The following TMCC3 variants were observed in gnomAD, a reference collection of about 807,000 sequenced individuals.
TMCC3 encodes the protein transmembrane and coiled-coil domain protein 3.
In TMCC3, 28 loss-of-function variants were observed where a neutral mutation model predicts 40.2. The ratio of observed to expected loss-of-function variants is 0.70; its 90% CI spans 0.52 to 0.95. The LOEUF (loss-of-function observed/expected upper bound fraction) is 0.95, where lower values mean the gene tolerates loss of function less well. Ranked by LOEUF, TMCC3 falls within the 40% of genes least tolerant of loss-of-function variation. TMCC3 has a pLI of 0.00. For synonymous variants in TMCC3, 255 were observed against 248.5 expected, an observed-to-expected ratio of 1.03 and a Z score of -0.25; for missense variants, 554 against 615.2, an observed-to-expected ratio of 0.90 and a Z score of 1.05.
chr12:94,612,343 G>A lies in TMCC3; in HGVS notation c.79-29805C>T, dbSNP rs113176513. ...TTTATTTTTTTTGAGATGGAGTCTCGCTCTGTCACCAGGCTGGAGTGCAGT... is the reference window on the plus strand; with the variant it reads ...TTTATTTTTTTTGAGATGGAGTCTCACTCTGTCACCAGGCTGGAGTGCAGT... On this transcript the variant is annotated intron_variant, in intron 1 of 3. Transcript: ENST00000261226. 4.9e-3 allele frequency among the ~76,000 whole-genome samples: 731 copies of A among 150,676 alleles called. 6 individuals carry two copies. Among genetic ancestry groups the A allele is most frequent in the African/African-American group, 0.016 (673 of 40,966 alleles).
chr12:94,637,432 G>C (rs564978737), intron 1 of TMCC3, among the ~76,000 whole-genome samples: 1 of 152,190 alleles, frequency 6.6e-6, no homozygotes, highest in Non-Finnish European at 1.5e-5. Flanking sequence ...GATTGGCAAG[G>C]ATCAAAACAG....
At chr12:94,615,576 G>A (rs1461616586) in intron 1 of TMCC3, among the ~76,000 whole-genome samples, 2 of 152,164 alleles carry the variant, frequency 1.3e-5, no homozygotes, top group South Asian at 2.1e-4. Context: ...GGTTACTTTC[G>A]AACTCCCAGG....
At chr12:94,636,446 T>A (rs926474691) in intron 1 of TMCC3, among the ~76,000 whole-genome samples, 4 of 152,194 alleles carry the variant, frequency 2.6e-5, no homozygotes, top group African/African-American at 9.7e-5. Flanking sequence ...ACCAAACATA[T>A]AATTCAGGGC....
intron 1 of TMCC3, among the ~76,000 whole-genome samples, chr12:94,592,018 A>G (rs1352319222): frequency 6.6e-6 from 1 of 152,202 alleles, no homozygotes; most frequent in Non-Finnish European, 1.5e-5. Context: ...CCTACACAGA[A>G]TATTCAATAC....
intron 2 of TMCC3, among the ~76,000 whole-genome samples, chr12:94,578,812 G>A (rs2068583415): frequency 2.0e-5 from 3 of 152,164 alleles, no homozygotes; most frequent in African/African-American, 7.2e-5. Context: ...CCTCAAGATA[G>A]AGCTCATCAG....
At chr12:94,645,130 C>G (rs1467665782) in intron 1 of TMCC3, among the ~76,000 whole-genome samples, 1 of 152,154 alleles carries the variant, frequency 6.6e-6, no homozygotes, top group Non-Finnish European at 1.5e-5. Context: ...ATGCCTAGAT[C>G]AGCAGCCAGC....
intron 1 of TMCC3, among the ~76,000 whole-genome samples, chr12:94,631,934 T>C (rs937508053): frequency 6.6e-6 from 1 of 152,198 alleles, no homozygotes; most frequent in Non-Finnish European, 1.5e-5. Context: ...TGTTCATAGA[T>C]GCATTACTCT....
At position 94,599,931 on chromosome 12, in the gene TMCC3, T is replaced by C. The variant is rs185517210; in HGVS notation, c.79-17393A>G. On this transcript the variant is annotated intron_variant, in intron 1 of 3. Coordinates refer to ENST00000261226, the MANE Select transcript of TMCC3 (RefSeq NM_020698.4). ...ATGACCAGGCACAGTGGCATGTGCC[T>C]GTAGCCCCAGCTACGCAGGAAGCTG... is the stretch of plus-strand genomic sequence containing the variant. Among the ~76,000 whole-genome samples the C allele has an allele frequency of 3.7e-4, 56 of 152,308 alleles. 1 individual carries two copies. The East Asian group carries it at 0.01, about 27-fold the overall frequency.
intron 1 of TMCC3, among the ~76,000 whole-genome samples, chr12:94,634,414 GT>G (rs200734024): frequency 4.6e-5 from 7 of 150,722 alleles, no homozygotes; most frequent in African/African-American, 4.9e-5. Flanking sequence ...AAAAACAAAA[GT>G]TTAAAAAAAA....
At position 94,582,255 on chromosome 12, in the gene TMCC3, T is replaced by C; in HGVS notation, c.362A>G (p.Lys121Arg). The part of the protein sequence containing the change: ...IKQVFEKKNQ[K>R]SAHSIAQLQK... ...CAGCTGGGCGATGGAGTGAGCTGAT[T>C]TCTGATTCTTCTTCTCAAAGACTTG... Residue 121 changes from lysine to arginine, a missense_variant, in exon 2 of 4, where the codon AAA (lysine) becomes AGA (arginine). By Grantham distance (26) the Lys-to-Arg change is conservative (BLOSUM62 2). Coordinates refer to ENST00000261226, the MANE Select transcript of TMCC3 (RefSeq NM_020698.4). 5.6e-6 allele frequency: 9 copies of C among 1,614,092 alleles called. No homozygotes were observed. The highest frequency in any genetic ancestry group is 7.6e-6 in the Non-Finnish European group (9 of 1,180,018).
Position 94,570,624 on chromosome 12 carries a change from C to T in TMCC3, c.*811G>A, listed in dbSNP as rs1185531566. 1 of 152,616 alleles carries T rather than the reference C, an allele frequency of 6.6e-6. No individual in the cohort carries two copies. The highest frequency in any genetic ancestry group is 1.5e-5 in the Non-Finnish European group (1 of 68,038). 9.5% of individuals were successfully genotyped at this position (152,616 alleles called of 1,614,324 possible). Reference sequence around the variant, plus strand: ...GAAAAAAGATTTGCCAAAACACAAACCTTCAGAGTAGTGCTCACAGGATTC... The same window carrying T: ...GAAAAAAGATTTGCCAAAACACAAATCTTCAGAGTAGTGCTCACAGGATTC... On this transcript the variant is annotated 3_prime_UTR_variant, in exon 4 of 4. Transcript: ENST00000261226.
intron 3 of TMCC3, among the ~76,000 whole-genome samples, chr12:94,577,171 CTAT>C (rs1453982216): frequency 1.3e-5 from 2 of 152,066 alleles, no homozygotes; most frequent in Non-Finnish European, 2.9e-5. Context: ...AATACGAATG[CTAT>C]TATTAATTAA....
chr12:94,571,623 T>G lies in TMCC3; in HGVS notation c.1246A>C (p.Asn416His). 6.2e-7 allele frequency: 1 copy of G among 1,614,202 alleles called. No homozygotes were observed. The highest frequency in any genetic ancestry group is 1.1e-5 in the South Asian group (1 of 91,088). Residue 416 changes from asparagine (N) to histidine (H), a missense_variant, in exon 4 of 4, where the codon AAC becomes CAC. By Grantham distance (68) the Asn-to-His change is moderately conservative. Coordinates refer to ENST00000261226, the MANE Select transcript of TMCC3 (RefSeq NM_020698.4). Reference sequence around the variant, plus strand: ...ACAGTCATGAAGGCCAGGATCACGTTGATGCACCTCCCCAGGAGAACTTTA... The same window carrying G: ...ACAGTCATGAAGGCCAGGATCACGTGGATGCACCTCCCCAGGAGAACTTTA... ...NAKVLLGRCI[N>H]VILAFMTVIL...
chr12:94,579,047 T>C (rs190256110), intron 2 of TMCC3, among the ~76,000 whole-genome samples: 48 of 152,372 alleles, frequency 3.2e-4, no homozygotes, highest in Middle Eastern at 3.4e-3. Flanking sequence ...GCACTGATTA[T>C]GGATTTCAGC....
At chr12:94,578,685 T>C (rs1434385232) in intron 2 of TMCC3, among the ~76,000 whole-genome samples, 156 bp from the exon 3 acceptor site, 1 of 152,222 alleles carries the variant, frequency 6.6e-6, no homozygotes, top group African/African-American at 2.4e-5. Flanking sequence ...GGAATTGAGC[T>C]TTTGGATAAC....
At chr12:94,645,444 A>T (rs567147673) in intron 1 of TMCC3, among the ~76,000 whole-genome samples, 2 of 152,204 alleles carry the variant, frequency 1.3e-5, no homozygotes, top group Admixed American at 1.3e-4. Context: ...TGTTTTGTTT[A>T]GTTTTGTTTC....
intron 1 of TMCC3, 49 bp downstream of exon 1, chr12:94,650,303 TC>T (rs2069048822): frequency 8.7e-7 from 1 of 1,153,902 alleles, no homozygotes; most frequent in Non-Finnish European, 1.1e-6. Context: ...CCAGCCCGCC[TC>T]GCCCCCGGGC....
At chr12:94,639,391 A>G (rs2651988) in intron 1 of TMCC3, among the ~76,000 whole-genome samples, 91,692 of 151,774 alleles carry the variant, frequency 0.6, 28,109 homozygotes, top group African/African-American at 0.69. Context: ...AGACCATCTC[A>G]GCCAAAATGG....
intron 3 of TMCC3, among the ~76,000 whole-genome samples, chr12:94,574,796 A>T (rs1357611498): frequency 6.6e-6 from 1 of 152,250 alleles, no homozygotes; most frequent in Non-Finnish European, 1.5e-5. Context: ...TAGGCATAAC[A>T]CAGAAAAGGT....
Sources: gnomAD v4.1 joint callset for allele counts (sites outside exome capture counted in the v4.1 genomes callset) on GRCh38, gnomAD v4.1.1 for gene constraint, MANE v1.5 for transcripts, NCBI Gene and HGNC (gene_info 2026-07-23, HGNC 2026-07-21) for gene names.